The following KIF13B variants were observed in gnomAD, a reference collection of about 807,000 sequenced individuals.
KIF13B encodes kinesin family member 13B, also known as kinesin-like protein KIF13B.
KIF13B carries 127 observed loss-of-function variants against 222.0 expected under a neutral mutation model. That is an observed-to-expected ratio of 0.57 (90% CI 0.50 to 0.66). KIF13B has a LOEUF of 0.66. Among genes scored for constraint, KIF13B ranks in the 30% least tolerant of loss-of-function variants. The pLI, the probability that KIF13B is intolerant of heterozygous loss-of-function variation, is 0.00. For missense variants in KIF13B, 2,173 were observed against 2,379.0 expected (o/e 0.91, Z 1.80); for synonymous variants, 976 against 919.0 (o/e 1.06, Z -1.12).
intron 19 of KIF13B, among the ~76,000 whole-genome samples, chr8:29,141,288 C>G (rs1285630952): frequency 6.6e-6 from 1 of 150,660 alleles, no homozygotes; most frequent in Non-Finnish European, 1.5e-5. Flanking sequence ...GAGCCAAGAT[C>G]GTGCCACTGC....
Position 29,122,579 on chromosome 8 carries a change from C to T in KIF13B, c.3535+12G>A, listed in dbSNP as rs1371244445. The T allele has an allele frequency of 6.2e-7, 1 of 1,605,088 alleles. No homozygotes were observed. The highest frequency in any genetic ancestry group is 8.5e-7 in the Non-Finnish European group (1 of 1,175,012). ...TCAGAGGTAAGCCTTCAGAAAACACCTCCTAACTTACCATTTAAGTCCAGG... is the reference window on the plus strand; with the variant it reads ...TCAGAGGTAAGCCTTCAGAAAACACTTCCTAACTTACCATTTAAGTCCAGG... On this transcript the variant is annotated intron_variant, in intron 29 of 39. Transcript: ENST00000524189.
intron 1 of KIF13B, among the ~76,000 whole-genome samples, chr8:29,247,516 C>A (rs1408065949): frequency 6.6e-6 from 1 of 152,002 alleles, no homozygotes; most frequent in Non-Finnish European, 1.5e-5. Context: ...ATATAAAGAA[C>A]CCTTACAACT....
chr8:29,157,699 C>T (rs1486705860), intron 13 of KIF13B, among the ~76,000 whole-genome samples: 6 of 151,530 alleles, frequency 4.0e-5, no homozygotes, highest in African/African-American at 9.7e-5. Flanking sequence ...AGCAAGACTC[C>T]GTCTCAATAA....
At chr8:29,075,446 A>T (rs1807512641) in intron 37 of KIF13B, 103 bp from the exon 38 acceptor site, 1 of 1,039,690 alleles carries the variant, frequency 9.6e-7, no homozygotes. Context: ...CCCGAGGGGA[A>T]TCGGCCCATC....
chr8:29,252,775 A>G (rs941216225), intron 1 of KIF13B, among the ~76,000 whole-genome samples: 3 of 152,204 alleles, frequency 2.0e-5, no homozygotes, highest in Non-Finnish European at 2.9e-5. Flanking sequence ...GCATAGCAGG[A>G]AACACTACCT....
intron 2 of KIF13B, among the ~76,000 whole-genome samples, chr8:29,221,097 CT>C (rs60915605): frequency 1.4e-3 from 157 of 112,728 alleles, no homozygotes; most frequent in African/African-American, 5.1e-3. Flanking sequence ...GAGCTGTGTT[CT>C]TTTTTTTTTT....
At chr8:29,262,869 C>G (rs991000130) in intron 1 of KIF13B, 111 bp downstream of exon 1, 41 of 830,488 alleles carry the variant, frequency 4.9e-5, no homozygotes, top group Non-Finnish European at 6.0e-5. Flanking sequence ...CCTCGCGCCC[C>G]GCCGCTGACT....
In KIF13B at chr8:29,160,877, T is replaced by C; in HGVS notation, c.1270-10A>G. ...GCTGTTTCTGTCGTTCCTGTAAATG[T>C]TATCAGAGAAGTATTAATTTCACAG... is the stretch of plus-strand genomic sequence containing the variant. On this transcript the variant is annotated splice_polypyrimidine_tract_variant and intron_variant, in intron 12 of 39. Coordinates refer to ENST00000524189, the MANE Select transcript of KIF13B (RefSeq NM_015254.4). 6.2e-7 allele frequency: 1 copy of C among 1,611,330 alleles called. No homozygotes were observed. The highest frequency in any genetic ancestry group is 8.5e-7 in the Non-Finnish European group (1 of 1,178,278).
chr8:29,171,744 T>C (rs1812248197), intron 10 of KIF13B, among the ~76,000 whole-genome samples: 2 of 149,812 alleles, frequency 1.3e-5, no homozygotes, highest in Middle Eastern at 3.5e-3. Flanking sequence ...AAAAATCATA[T>C]AATTTTTTTT....
chr8:29,186,406 C>T lies in KIF13B; in HGVS notation c.383G>A (p.Ser128Asn). 6.2e-7 allele frequency: 1 copy of T among 1,613,902 alleles called. No individual in the cohort carries two copies. Among genetic ancestry groups the T allele is most frequent in the Non-Finnish European group, 8.5e-7 (1 of 1,179,796 alleles). The change falls in exon 6 of 40, where the codon AGT (serine) becomes AAT (asparagine). Residue 128 changes from serine to asparagine, a missense_variant. Transcript: ENST00000524189. ...DQPGLIPRLC[S>N]GLFERTQKEE... ...TTTCTGAGTTCGTTCAAAGAGTCCA[C>T]TGCAAAGTCTTGGGATTAATCCAGG...
chr8:29,246,108 G>A lies in KIF13B; in HGVS notation c.56-669C>T, dbSNP rs559212675. The stretch of plus-strand genomic sequence containing the variant: ...ATCAAAATATCACATGGCCGGGTGC[G>A]GTGGCTCACGTCTGTAATCCCAGCA... On this transcript the variant is annotated intron_variant, in intron 1 of 39. Coordinates refer to ENST00000524189, the MANE Select transcript of KIF13B (RefSeq NM_015254.4). Among the ~76,000 whole-genome samples, 5 of 152,230 alleles carry A rather than the reference G, an allele frequency of 3.3e-5. No individual in the cohort carries two copies. The South Asian group carries it at 6.2e-4, about 19-fold the overall frequency.
chr8:29,112,262 G>T (rs548922279), intron 32 of KIF13B, among the ~76,000 whole-genome samples: 1 of 151,964 alleles, frequency 6.6e-6, no homozygotes, highest in South Asian at 2.1e-4. Flanking sequence ...GTGAAATCCC[G>T]TCTCTACTTA....
chr8:29,262,017 G>A (rs943920310), intron 1 of KIF13B, among the ~76,000 whole-genome samples: 6 of 152,188 alleles, frequency 3.9e-5, no homozygotes, highest in African/African-American at 2.4e-5. Flanking sequence ...TTAGTTCAAA[G>A]TCTCATCAAT....
chr8:29,210,439 A>G (rs1356883802), intron 2 of KIF13B, among the ~76,000 whole-genome samples: 2 of 152,216 alleles, frequency 1.3e-5, no homozygotes, highest in African/African-American at 4.8e-5. Context: ...CTCAGATGAG[A>G]TCACAACCAA....
intron 25 of KIF13B, among the ~76,000 whole-genome samples, chr8:29,126,892 A>G (rs1810135740): frequency 6.6e-6 from 1 of 152,152 alleles, no homozygotes; most frequent in Non-Finnish European, 1.5e-5. Context: ...GGAATCTATG[A>G]AGGCTGAGAC....
At chr8:29,138,903 T>C (rs1490387205) in intron 21 of KIF13B, among the ~76,000 whole-genome samples, 1 of 152,154 alleles carries the variant, frequency 6.6e-6, no homozygotes, top group Non-Finnish European at 1.5e-5. Flanking sequence ...ATTTTAATAT[T>C]AAGAAATTAT....
intron 2 of KIF13B, among the ~76,000 whole-genome samples, chr8:29,203,207 G>C (rs1474777189): frequency 6.6e-6 from 1 of 152,192 alleles, no homozygotes; most frequent in Admixed American, 6.5e-5. Context: ...CTGTTCAGGT[G>C]ATCTGGCCCC....
chr8:29,161,012 A>G (rs1811753109), intron 12 of KIF13B, 145 bp from the exon 13 acceptor site: 1 of 633,138 alleles, frequency 1.6e-6, no homozygotes, highest in African/African-American at 1.9e-5. Flanking sequence ...GATTTATTGC[A>G]TTTTTCTCTT....
At chr8:29,129,643 T>C (rs968133197) in intron 24 of KIF13B, among the ~76,000 whole-genome samples, 2 of 87,742 alleles carry the variant, frequency 2.3e-5, no homozygotes, top group Non-Finnish European at 6.2e-5. Flanking sequence ...CATTAAAGTA[T>C]AGCAAAAAAA....
Sources: allele counts gnomAD v4.1 joint callset (sites outside exome capture counted in the v4.1 genomes callset), GRCh38; gene constraint gnomAD v4.1.1; transcripts MANE v1.5; gene names NCBI Gene and HGNC (gene_info 2026-07-23, HGNC 2026-07-21).